The following ZNF717 variants were observed in gnomAD, a reference collection of about 807,000 sequenced individuals.
The protein encoded by ZNF717 is krueppel-like factor X17.
A neutral mutation model predicts 13.8 loss-of-function variants in ZNF717; 9 were observed. The observed-to-expected ratio is 0.65, with a 90% CI of 0.39 to 1.14. The LOEUF is 1.14. ZNF717 is among the 50% of genes most tolerant of loss of function. The pLI, the probability that ZNF717 is intolerant of heterozygous loss-of-function variation, is 0.01. For synonymous variants in ZNF717, 327 were observed against 364.1 expected, an observed-to-expected ratio of 0.90 and a Z score of 1.16; for missense variants, 1,040 against 1,080.7, an observed-to-expected ratio of 0.96 and a Z score of 0.53.
intron 6 of ZNF717, among the ~76,000 whole-genome samples, chr3:75,695,978 GTAAA>G (rs1937598783): frequency 1.3e-5 from 2 of 152,262 alleles, no homozygotes; most frequent in African/African-American, 2.4e-5. Flanking sequence ...TAGAGCGGAA[GTAAA>G]TAAAGTTAAA....
At chr3:75,732,591 A>G (rs1938665989), downstream of ZNF717, among the ~76,000 whole-genome samples, 1 of 152,250 alleles carries the variant, frequency 6.6e-6, no homozygotes, top group Non-Finnish European at 1.5e-5. Context: ...GAGAGGACAT[A>G]TAGCTGGCAC....
intron 6 of ZNF717, among the ~76,000 whole-genome samples, chr3:75,703,060 G>A (rs1335690207): frequency 2.0e-4 from 30 of 151,956 alleles, no homozygotes; most frequent in African/African-American, 7.3e-4. Context: ...TCAAAACGAG[G>A]GGAAACATCT....
chr3:75,767,302 G>T (rs1020974804), intron 2 of ZNF717, among the ~76,000 whole-genome samples: 1 of 107,954 alleles, frequency 9.3e-6, no homozygotes, highest in African/African-American at 3.2e-5. Context: ...AAACAATCCA[G>T]CTCGGCTGCT....
intron 6 of ZNF717, among the ~76,000 whole-genome samples, chr3:75,696,468 A>G (rs1937604489): frequency 6.6e-6 from 1 of 152,418 alleles, no homozygotes; most frequent in East Asian, 1.9e-4. Context: ...TGATGCAAAA[A>G]TTTGCAAAAA....
At chr3:75,745,826 C>A (rs1941106828) in intron 2 of ZNF717, among the ~76,000 whole-genome samples, 1 of 150,938 alleles carries the variant, frequency 6.6e-6, no homozygotes, top group Non-Finnish European at 1.5e-5. Flanking sequence ...AAATAATATA[C>A]CACATTTTCT....
At chr3:75,773,278 T>A (rs1433996144) in intron 2 of ZNF717, among the ~76,000 whole-genome samples, 1 of 152,258 alleles carries the variant, frequency 6.6e-6, no homozygotes, top group Non-Finnish European at 1.5e-5. Flanking sequence ...GGATCCTTAA[T>A]TTCTGGAAAA....
chr3:75,741,929 G>T, intron 2 of ZNF717, 193 bp from the exon 3 acceptor site: 1 of 646,628 alleles, frequency 1.5e-6, no homozygotes, highest in Non-Finnish European at 2.6e-6. Flanking sequence ...AAAAGAACAA[G>T]AATCTGGGAA....
At chr3:75,718,263 A>C (rs1240283988) in intron 4 of ZNF717, among the ~76,000 whole-genome samples, 1 of 152,206 alleles carries the variant, frequency 6.6e-6, no homozygotes, top group Non-Finnish European at 1.5e-5. Context: ...AAGGGGATAC[A>C]CAACCTTAGG....
chr3:75,762,233 G>A (rs1943094662), intron 2 of ZNF717, among the ~76,000 whole-genome samples: 1 of 152,100 alleles, frequency 6.6e-6, no homozygotes, highest in Admixed American at 6.5e-5. Context: ...GAGGTCACAA[G>A]TTCAAGACTA....
chr3:75,704,569 T>A (rs1937762829), intron 6 of ZNF717, among the ~76,000 whole-genome samples: 1 of 152,310 alleles, frequency 6.6e-6, no homozygotes, highest in Admixed American at 6.5e-5. Flanking sequence ...ATATTCAGAT[T>A]AGAGGCCAAG....
At chr3:75,746,369 T>C (rs1475365262) in intron 2 of ZNF717, among the ~76,000 whole-genome samples, 48 of 152,196 alleles carry the variant, frequency 3.2e-4, no homozygotes, top group Non-Finnish European at 1.0e-4. Flanking sequence ...TATAGTAGCA[T>C]CATTTATATT....
At chr3:75,764,990 G>A (rs115718482) in intron 2 of ZNF717, among the ~76,000 whole-genome samples, 18,507 of 99,770 alleles carry the variant, frequency 0.19, 64 homozygotes, top group Non-Finnish European at 0.2. Context: ...TAAACAAAAG[G>A]ATATATATAT....
At chr3:75,731,968 G>A (rs1198235311), downstream of ZNF717, 1 of 675,348 alleles carries the variant, frequency 1.5e-6, no homozygotes, top group Non-Finnish European at 2.7e-6. Flanking sequence ...ACTATAACTG[G>A]TGAATTGCTG....
At chr3:75,699,890 A>C (rs1330542677) in intron 6 of ZNF717, among the ~76,000 whole-genome samples, 1 of 152,306 alleles carries the variant, frequency 6.6e-6, no homozygotes, top group African/African-American at 2.4e-5. Context: ...ATGTAATACT[A>C]TTTGCAGTAG....
chr3:75,784,523 G>T (rs1018933725), intron 1 of ZNF717, among the ~76,000 whole-genome samples: 17 of 152,182 alleles, frequency 1.1e-4, no homozygotes, highest in African/African-American at 4.1e-4. Flanking sequence ...AACGAGGAAA[G>T]GTTGAAGGAA....
At chr3:75,777,915 T>C (rs1023231776) in intron 2 of ZNF717, among the ~76,000 whole-genome samples, 1 of 132,498 alleles carries the variant, frequency 7.5e-6, no homozygotes, top group African/African-American at 2.9e-5. Context: ...CCCAAAACAA[T>C]GCGAGTGACA....
intron 2 of ZNF717, among the ~76,000 whole-genome samples, chr3:75,778,440 A>C (rs1380036883): frequency 1.3e-5 from 2 of 151,988 alleles, no homozygotes; most frequent in African/African-American, 4.8e-5. Context: ...AACCCAAAAC[A>C]ATGGGAGTGA....
At chr3:75,782,660 C>T (rs1267083429) in intron 2 of ZNF717, among the ~76,000 whole-genome samples, 2 of 147,504 alleles carry the variant, frequency 1.4e-5, no homozygotes, top group East Asian at 3.9e-4. Flanking sequence ...CTGCACAACA[C>T]ACTGTGCTTT....
chr3:75,728,651 T>A (rs1938350923), downstream of ZNF717, among the ~76,000 whole-genome samples: 1 of 41,976 alleles, frequency 2.4e-5, no homozygotes, highest in South Asian at 5.7e-4. Context: ...TCACTCATTG[T>A]CTGCTTGCAC....
Sources: allele counts gnomAD v4.1 joint callset (sites outside exome capture counted in the v4.1 genomes callset), GRCh38; gene constraint gnomAD v4.1.1; transcripts MANE v1.5; gene names NCBI Gene and HGNC (gene_info 2026-07-23, HGNC 2026-07-21).